The following TMOD1 variants were observed in gnomAD, a reference collection of about 807,000 sequenced individuals.
TMOD1 encodes tropomodulin 1.
TMOD1 carries 17 observed loss-of-function variants against 40.6 expected under a neutral mutation model. The observed-to-expected ratio is 0.42, with a 90% CI of 0.29 to 0.63. The LOEUF (loss-of-function observed/expected upper bound fraction) is 0.63. TMOD1 is among the 20% of genes least tolerant of loss of function. The pLI is 0.22. For missense variants in TMOD1, 391 were observed against 447.6 expected (o/e 0.87, Z 1.14); for synonymous variants, 181 against 175.0 (o/e 1.03, Z -0.27).
intron 3 of TMOD1, 146 bp downstream of exon 3, chr9:97,546,487 C>T (rs1025702105): frequency 1.9e-5 from 15 of 771,538 alleles, no homozygotes; most frequent in African/African-American, 3.6e-5. Flanking sequence ...AACACCCAAA[C>T]CCAACTTCAA....
chr9:97,550,180 T>C (rs1403338486), intron 3 of TMOD1, among the ~76,000 whole-genome samples: 4 of 152,226 alleles, frequency 2.6e-5, no homozygotes, highest in Non-Finnish European at 5.9e-5. Flanking sequence ...GAGCACAATG[T>C]TTTCCAGACT....
At position 97,555,256 on chromosome 9, in the gene TMOD1, C is replaced by T. The variant is rs182861409; in HGVS notation, c.397+1856C>T. Among the ~76,000 whole-genome samples, 149 of 152,318 alleles carry T rather than the reference C, an allele frequency of 9.8e-4. 2 individuals are homozygous for T. Among genetic ancestry groups the T allele is most frequent in the African/African-American group, 3.3e-3 (139 of 41,576 alleles). ...CAACCAAACCATCTCCCCGAAGTCC[C>T]TTGAGGTCGGGTTAATCTGTGAGGC... is the stretch of plus-strand genomic sequence containing the variant. On this transcript the variant is annotated intron_variant, in intron 4 of 9. Coordinates refer to ENST00000259365, the MANE Select transcript of TMOD1 (RefSeq NM_003275.4).
chr9:97,544,069 A>G (rs1264048368), intron 2 of TMOD1, among the ~76,000 whole-genome samples: 2 of 152,036 alleles, frequency 1.3e-5, no homozygotes, highest in Non-Finnish European at 1.5e-5. Flanking sequence ...CTGCAAGTAC[A>G]CCAGCACCAC....
chr9:97,509,312 G>C (rs1250163515), intron 1 of TMOD1, among the ~76,000 whole-genome samples: 2 of 152,158 alleles, frequency 1.3e-5, no homozygotes, highest in African/African-American at 4.8e-5. Context: ...AAAGAGCTTA[G>C]CATTGTGCCT....
chr9:97,517,603 G>C, intron 1 of TMOD1: 1 of 152,486 alleles, frequency 6.6e-6, no homozygotes, highest in East Asian at 1.9e-4. Context: ...GGGCTGGATA[G>C]ACACCATCTG....
chr9:97,512,290 G>A (rs1829716779), intron 1 of TMOD1, among the ~76,000 whole-genome samples: 1 of 152,218 alleles, frequency 6.6e-6, no homozygotes, highest in Non-Finnish European at 1.5e-5. Context: ...AGGTTGTGGA[G>A]CAGCTGGAAC....
chr9:97,516,899 G>T (rs1018013702), intron 1 of TMOD1: 3 of 152,074 alleles, frequency 2.0e-5, no homozygotes, highest in Non-Finnish European at 2.9e-5. Flanking sequence ...TTCTGGAGAG[G>T]GATAGTAGTG....
At position 97,601,728 on chromosome 9, in the gene TMOD1, A is replaced by C. The variant is rs958881016; in HGVS notation, c.*2030A>C. 3.6e-6 allele frequency: 1 copy of C among 277,212 alleles called. No individual in the cohort carries two copies. The highest frequency in any genetic ancestry group is 2.3e-5 in the African/African-American group (1 of 43,920). The allele number at this position is 277,212 out of a possible 1,614,324, so 17.2% of individuals were successfully genotyped here. A position where few individuals can be genotyped will look rare whatever the true frequency, so the allele number is the denominator to read the frequency against. On this transcript the variant is annotated 3_prime_UTR_variant, in exon 10 of 10. Transcript: ENST00000259365. ...TGGGTGTGGCTGTTCAATAAACTAT[A>C]CAGTTGACCCTTGAACAATATGGGT... is the stretch of plus-strand genomic sequence containing the variant.
intron 1 of TMOD1, among the ~76,000 whole-genome samples, chr9:97,514,249 G>C (rs1457075386): frequency 6.7e-6 from 1 of 149,672 alleles, no homozygotes; most frequent in Admixed American, 6.7e-5. Context: ...TTGGGGGGGG[G>C]GTTGTGTTTT....
At chr9:97,583,942 T>C (rs375657049) in intron 8 of TMOD1, among the ~76,000 whole-genome samples, 4 of 151,984 alleles carry the variant, frequency 2.6e-5, no homozygotes, top group Non-Finnish European at 5.9e-5. Flanking sequence ...TTGATCCTTT[T>C]AAAAAACCAG....
intron 5 of TMOD1, among the ~76,000 whole-genome samples, chr9:97,563,641 A>C (rs896834089): frequency 2.6e-5 from 4 of 152,116 alleles, no homozygotes; most frequent in Non-Finnish European, 5.9e-5. Context: ...AACAGAAATG[A>C]GGCTGCCAAA....
chr9:97,511,108 A>ACACACACACACACACG (rs1554752913), intron 1 of TMOD1, among the ~76,000 whole-genome samples: 7 of 149,712 alleles, frequency 4.7e-5, no homozygotes, highest in African/African-American at 1.7e-4. Flanking sequence ...ACACACACAC[A>ACACACACACACACACG]CACAGGCTTT....
intron 1 of TMOD1, among the ~76,000 whole-genome samples, chr9:97,509,051 G>A (rs1436616550): frequency 6.6e-6 from 1 of 152,188 alleles, no homozygotes; most frequent in African/African-American, 2.4e-5. Context: ...CAGAAGGTAG[G>A]AATGAGGCAT....
intron 1 of TMOD1, among the ~76,000 whole-genome samples, chr9:97,508,597 T>C (rs1002304130): frequency 5.3e-5 from 8 of 152,214 alleles, no homozygotes; most frequent in Non-Finnish European, 1.2e-4. Context: ...TGGGATATTA[T>C]GTAAGCGTGA....
chr9:97,504,460 G>A (rs1829557844), intron 1 of TMOD1, among the ~76,000 whole-genome samples: 1 of 152,190 alleles, frequency 6.6e-6, no homozygotes, highest in African/African-American at 2.4e-5. Context: ...AGGATAAAGA[G>A]TATGGCAAGT....
intron 1 of TMOD1, among the ~76,000 whole-genome samples, chr9:97,514,397 C>T (rs1265463983): frequency 2.0e-5 from 3 of 151,656 alleles, no homozygotes; most frequent in Admixed American, 1.3e-4. Flanking sequence ...GGATTACAGG[C>T]GTGAACCACC....
chr9:97,596,361 C>T (rs1826111243), intron 9 of TMOD1, among the ~76,000 whole-genome samples: 1 of 152,140 alleles, frequency 6.6e-6, no homozygotes, highest in Admixed American at 6.5e-5. Context: ...TCCCATTGCT[C>T]TCAGTCAGGC....
chr9:97,529,758 T>C (rs1481745396), intron 2 of TMOD1, among the ~76,000 whole-genome samples: 1 of 152,192 alleles, frequency 6.6e-6, no homozygotes, highest in Non-Finnish European at 1.5e-5. Context: ...AGATTGCCTT[T>C]GTACCAGGCA....
Position 97,572,156 on chromosome 9 carries a change from T to C in TMOD1, c.870+3119T>C, listed in dbSNP as rs561894526. 2.6e-5 allele frequency among the ~76,000 whole-genome samples: 4 copies of C among 152,268 alleles called. No homozygotes were observed. The South Asian group carries it at 8.3e-4, about 32-fold the overall frequency. On this transcript the variant is annotated intron_variant, in intron 8 of 9. Transcript: ENST00000259365. ...AAACCCGTAGATGCTGGGTAGACCC[T>C]GACTTCCCACCCACAGGGTGAAAAG...
Sources: allele counts gnomAD v4.1 joint callset (sites outside exome capture counted in the v4.1 genomes callset), GRCh38; gene constraint gnomAD v4.1.1; transcripts MANE v1.5; gene names NCBI Gene and HGNC (gene_info 2026-07-23, HGNC 2026-07-21).